The following NRCAM variants were observed in gnomAD, a reference collection of about 807,000 sequenced individuals.
NRCAM encodes NgCAM-related cell adhesion molecule.
NRCAM carries 83 observed loss-of-function variants against 156.5 expected under a neutral mutation model. The observed-to-expected ratio is 0.53, with a 90% confidence interval of 0.44 to 0.64. The LOEUF (loss-of-function observed/expected upper bound fraction) is 0.64. NRCAM is among the 30% of genes least tolerant of loss of function. The probability of loss-of-function intolerance (pLI) is 0.00; values close to 1 mark genes in which losing one functional copy is unlikely to be tolerated. For missense variants in NRCAM, 1,417 were observed against 1,597.3 expected (o/e 0.89, Z 1.92); for synonymous variants, 538 against 563.9 (o/e 0.95, Z 0.65).
Position 108,176,578 on chromosome 7 carries a change from C to A in NRCAM, c.3003G>T (p.Leu1001=). 2 of 1,613,426 alleles carry A rather than the reference C, an allele frequency of 1.2e-6. No individual in the cohort carries two copies. Among genetic ancestry groups the A allele is most frequent in the African/African-American group, 2.7e-5 (2 of 74,978 alleles). ...TGTTGGCAGGAATTTTCAAATCTAC[C>A]AGAGGGCCTAATTCATGTGTGCTGT... ...PINSTHELGP[L]VDLKIPANKT... The change falls in exon 27 of 33, where the codon CTG becomes CTT. Residue 1001 remains leucine (L), a synonymous_variant. Coordinates refer to ENST00000379028, the MANE Select transcript of NRCAM (RefSeq NM_001037132.4).
intron 2 of NRCAM, chr7:108,328,282 A>T (rs2099091259): frequency 6.6e-6 from 1 of 152,226 alleles, no homozygotes; most frequent in South Asian, 2.1e-4. Flanking sequence ...GCTGTTATAG[A>T]TGGAATACAA....
chr7:108,439,261 A>G (rs972302175), intron 1 of NRCAM, among the ~76,000 whole-genome samples: 1 of 152,198 alleles, frequency 6.6e-6, no homozygotes, highest in African/African-American at 2.4e-5. Context: ...AAAATGAAAA[A>G]CTTTTTCCCT....
At chr7:108,355,262 A>G (rs1180387694) in intron 2 of NRCAM, among the ~76,000 whole-genome samples, 1 of 152,248 alleles carries the variant, frequency 6.6e-6, no homozygotes, top group Non-Finnish European at 1.5e-5. Flanking sequence ...AAAAGGTCTG[A>G]AAGAACAGAT....
intron 2 of NRCAM, among the ~76,000 whole-genome samples, chr7:108,316,063 T>C (rs755999157): frequency 6.6e-6 from 1 of 152,246 alleles, no homozygotes; most frequent in Non-Finnish European, 1.5e-5. Context: ...AAAGTTCATA[T>C]GTGGGAAACT....
chr7:108,335,455 T>TTTTTTTTTTG (rs2099171874), intron 2 of NRCAM, among the ~76,000 whole-genome samples: 1 of 145,714 alleles, frequency 6.9e-6, no homozygotes, highest in Non-Finnish European at 1.5e-5. Flanking sequence ...TTTTTTTTTT[T>TTTTTTTTTTG]TTTTCAGTTT....
At chr7:108,414,237 T>A (rs1247473749) in intron 1 of NRCAM, among the ~76,000 whole-genome samples, 1 of 152,204 alleles carries the variant, frequency 6.6e-6, no homozygotes, top group African/African-American at 2.4e-5. Flanking sequence ...AAGTACAGTG[T>A]GATCCCAAAG....
At chr7:108,232,776 C>G (rs2094481889) in intron 6 of NRCAM, among the ~76,000 whole-genome samples, 1 of 152,092 alleles carries the variant, frequency 6.6e-6, no homozygotes, top group South Asian at 2.1e-4. Flanking sequence ...ATCATGCACA[C>G]AAATTGCCTG....
intron 20 of NRCAM, among the ~76,000 whole-genome samples, chr7:108,186,859 T>C (rs2067156851): frequency 6.6e-6 from 1 of 152,204 alleles, no homozygotes; most frequent in Admixed American, 6.5e-5. Context: ...CCCACTGATT[T>C]CCATGTGGCA....
In NRCAM at chr7:108,430,112, C is replaced by G. The variant is rs528835080; in HGVS notation, c.-332+26131G>C. ...GGGGGTGCACAAGGAAAGATGAGGC[C>G]AGAGAGGCAGCAGGGGTCATGTCCA... On this transcript the variant is annotated intron_variant, in intron 1 of 32. Transcript: ENST00000379028. Among the ~76,000 whole-genome samples, 8 of 152,234 alleles carry G rather than the reference C, an allele frequency of 5.3e-5. No homozygotes were observed. In the South Asian group the frequency reaches 1.7e-3, roughly 32 times the overall value.
intron 3 of NRCAM, among the ~76,000 whole-genome samples, chr7:108,255,795 G>A (rs1283637021): frequency 3.8e-4 from 57 of 151,864 alleles, no homozygotes; most frequent in Middle Eastern, 3.4e-3. Flanking sequence ...CGTCTGGGAG[G>A]TGAGGAGCGT....
intron 1 of NRCAM, among the ~76,000 whole-genome samples, chr7:108,403,339 A>G (rs562627466): frequency 1.1e-4 from 17 of 152,330 alleles, no homozygotes; most frequent in Admixed American, 7.2e-4. Flanking sequence ...GCCATCATCT[A>G]TGAGTTAGAC....
At chr7:108,417,774 T>C (rs1803535778) in intron 1 of NRCAM, among the ~76,000 whole-genome samples, 1 of 152,166 alleles carries the variant, frequency 6.6e-6, no homozygotes, top group Non-Finnish European at 1.5e-5. Context: ...CTCTTTCTTT[T>C]TTCTTTTGCA....
intron 3 of NRCAM, among the ~76,000 whole-genome samples, chr7:108,285,282 A>C (rs1364452316): frequency 6.6e-6 from 1 of 152,198 alleles, no homozygotes; most frequent in East Asian, 1.9e-4. Context: ...CTTTAGGGCA[A>C]AATACTATAC....
intron 28 of NRCAM, 97 bp from the exon 29 acceptor site, chr7:108,168,499 G>C: frequency 9.5e-7 from 1 of 1,056,084 alleles, no homozygotes; most frequent in Non-Finnish European, 1.2e-6. Context: ...TGTGCAAATA[G>C]AATTAAATAG....
chr7:108,435,677 C>T (rs189186632), intron 1 of NRCAM, among the ~76,000 whole-genome samples: 32 of 152,246 alleles, frequency 2.1e-4, no homozygotes, highest in African/African-American at 7.2e-4. Context: ...ATGAAGTAAT[C>T]GGTACAACAA....
chr7:108,237,253 T>C (rs2300000), intron 5 of NRCAM, among the ~76,000 whole-genome samples: 37,374 of 152,034 alleles, frequency 0.25, 4,799 homozygotes, highest in Non-Finnish European at 0.27. Flanking sequence ...AAGACAAGAT[T>C]CAAATTCGCT....
chr7:108,339,659 C>T (rs1422862698), intron 2 of NRCAM, among the ~76,000 whole-genome samples: 4 of 152,072 alleles, frequency 2.6e-5, no homozygotes, highest in South Asian at 2.1e-4. Flanking sequence ...CATTGGTAAG[C>T]GTAACTAATC....
chr7:108,206,681 A>G (rs2081326339), intron 13 of NRCAM, among the ~76,000 whole-genome samples: 1 of 152,160 alleles, frequency 6.6e-6, no homozygotes, highest in Non-Finnish European at 1.5e-5. Flanking sequence ...GTGAGGTGCA[A>G]CATCCATTTA....
chr7:108,442,247 C>T (rs1839388629), intron 1 of NRCAM, among the ~76,000 whole-genome samples: 1 of 152,136 alleles, frequency 6.6e-6, no homozygotes. Flanking sequence ...GAGTCACAGA[C>T]AGCAGCTGCC....
Sources: gnomAD v4.1 joint callset for allele counts (sites outside exome capture counted in the v4.1 genomes callset) on GRCh38, gnomAD v4.1.1 for gene constraint, MANE v1.5 for transcripts, NCBI Gene and HGNC (gene_info 2026-07-23, HGNC 2026-07-21) for gene names.